Variants in CNTN4 observed in about 807,000 individuals in gnomAD.
The protein encoded by CNTN4 is contactin-4.
In CNTN4, 77 loss-of-function variants were observed where a neutral mutation model predicts 122.5. The observed-to-expected ratio is 0.63, with a 90% confidence interval of 0.52 to 0.76. The LOEUF is 0.76. CNTN4 is among the 30% of genes least tolerant of loss of function. The probability of loss-of-function intolerance (pLI) is 0.00; values close to 1 mark genes in which losing one functional copy is unlikely to be tolerated. For missense variants in CNTN4, 1,256 were observed against 1,259.1 expected (o/e 1.00, Z 0.04); for synonymous variants, 512 against 447.0 (o/e 1.15, Z -1.83).
At chr3:2,870,530 A>G (rs531547966) in intron 8 of CNTN4, among the ~76,000 whole-genome samples, 2 of 152,304 alleles carry the variant, frequency 1.3e-5, no homozygotes, top group East Asian at 1.9e-4. Flanking sequence ...GTTAAAATCT[A>G]TTCTGTGACA....
In CNTN4 at chr3:2,435,116, G is replaced by A. The variant is rs577384609; in HGVS notation, c.-89+95883G>A. Among the ~76,000 whole-genome samples, 11 of 152,214 alleles carry A rather than the reference G, an allele frequency of 7.2e-5. No individual in the cohort carries two copies. The East Asian group carries it at 2.1e-3, about 29-fold the overall frequency. ...AGCTTAATACTAAAGTGAATATCCT[G>A]AATTATTCCCATGATTGTGTGTATT... On this transcript the variant is annotated intron_variant, in intron 3 of 24. Transcript: ENST00000418658.
chr3:2,377,405 TTCC>T (rs1456101404), intron 3 of CNTN4, among the ~76,000 whole-genome samples: 4 of 152,188 alleles, frequency 2.6e-5, no homozygotes, highest in African/African-American at 9.6e-5. Context: ...TTTCTCTAGC[TTCC>T]TCACCCACAC....
intron 6 of CNTN4, among the ~76,000 whole-genome samples, chr3:2,781,504 A>G (rs1487061315): frequency 6.6e-6 from 1 of 151,924 alleles, no homozygotes; most frequent in Admixed American, 6.6e-5. Flanking sequence ...ACTTGAGGAG[A>G]TATATTCTGA....
In CNTN4 at chr3:2,328,400, C is replaced by T. The variant is rs922860137; in HGVS notation, c.-144-10778C>T. Among the ~76,000 whole-genome samples the T allele has an allele frequency of 7.9e-5, 12 of 151,734 alleles. 1 individual carries two copies. The highest frequency in any genetic ancestry group is 2.2e-4 in the African/African-American group (9 of 41,316). On this transcript the variant is annotated intron_variant, in intron 2 of 24. Transcript: ENST00000418658. ...CAGCCTGGGCGACAGAGCGAGACTC[C>T]GTCTCAAAAAATAAAAAAATAAAAA...
chr3:2,321,463 T>G (rs543033468), intron 2 of CNTN4, among the ~76,000 whole-genome samples: 19 of 152,262 alleles, frequency 1.2e-4, no homozygotes, highest in African/African-American at 3.4e-4. Context: ...CCCAAAATTG[T>G]GGAATTCTGT....
In CNTN4 at chr3:2,645,156, T is replaced by C. The variant is rs536282156; in HGVS notation, c.55+73598T>C. ...TTGCTCAGGCTTCAAGTCTAGTCTGTGTGAAAGCATTAAGTGTTTCAGAAA... is the reference window on the plus strand; with the variant it reads ...TTGCTCAGGCTTCAAGTCTAGTCTGCGTGAAAGCATTAAGTGTTTCAGAAA... On this transcript the variant is annotated intron_variant, in intron 4 of 24. Coordinates refer to ENST00000418658, the MANE Select transcript of CNTN4 (RefSeq NM_175607.3). 9.9e-5 allele frequency among the ~76,000 whole-genome samples: 15 copies of C among 152,210 alleles called. No homozygotes were observed. In the South Asian group the frequency reaches 2.9e-3, roughly 29 times the overall value.
chr3:2,141,218 A>G lies in CNTN4; in HGVS notation c.-145+40579A>G, dbSNP rs73013131. On this transcript the variant is annotated intron_variant, in intron 2 of 24. Transcript: ENST00000418658. Reference sequence around the variant, plus strand: ...CTAGAACCTCTGAATATGCTACCTCACATGGCAAAAGGGACTCTGCCAATA... The same window carrying G: ...CTAGAACCTCTGAATATGCTACCTCGCATGGCAAAAGGGACTCTGCCAATA... Among the ~76,000 whole-genome samples the G allele has an allele frequency of 5.2e-3, 794 of 152,318 alleles. 5 individuals are homozygous for G. Among genetic ancestry groups the G allele is most frequent in the Non-Finnish European group, 8.8e-3 (596 of 68,022 alleles).
At chr3:2,311,617 C>G (rs147596576) in intron 2 of CNTN4, among the ~76,000 whole-genome samples, 1 of 152,172 alleles carries the variant, frequency 6.6e-6, no homozygotes, top group East Asian at 1.9e-4. Context: ...CTTTTGGTCA[C>G]TCAGCAGGAA....
intron 6 of CNTN4, among the ~76,000 whole-genome samples, chr3:2,782,162 TTAATGGC>T (rs2091619489): frequency 6.6e-6 from 1 of 152,054 alleles, no homozygotes; most frequent in Admixed American, 6.6e-5. Context: ...TGTGTTGATG[TTAATGGC>T]GGAGAGGTAT....
At chr3:2,932,813 T>TTTA (rs2094533596) in intron 13 of CNTN4, among the ~76,000 whole-genome samples, 1 of 126,238 alleles carries the variant, frequency 7.9e-6, no homozygotes, top group South Asian at 2.6e-4. Context: ...TATTTATTTA[T>TTTA]TTATTTATTT....
At chr3:2,342,331 T>G (rs924869139) in intron 3 of CNTN4, among the ~76,000 whole-genome samples, 2 of 152,198 alleles carry the variant, frequency 1.3e-5, no homozygotes, top group African/African-American at 4.8e-5. Context: ...ATTCTTCTTT[T>G]TCTGGATTGG....
chr3:2,575,936 A>G (rs1001921036), intron 4 of CNTN4, among the ~76,000 whole-genome samples: 12 of 148,254 alleles, frequency 8.1e-5, no homozygotes, highest in Non-Finnish European at 5.9e-5. Flanking sequence ...ATTCTCCTGC[A>G]TCAGCCTCCC....
intron 4 of CNTN4, among the ~76,000 whole-genome samples, chr3:2,681,143 A>AGG (rs1431635891): frequency 6.6e-6 from 1 of 152,188 alleles, no homozygotes; most frequent in Non-Finnish European, 1.5e-5. Context: ...ACGGCCCGCC[A>AGG]CCCAAGGATT....
intron 6 of CNTN4, among the ~76,000 whole-genome samples, chr3:2,750,531 C>G (rs770049270): frequency 6.6e-6 from 1 of 152,162 alleles, no homozygotes; most frequent in Admixed American, 6.5e-5. Context: ...AGAAATCCTT[C>G]TTTGATTAAA....
At chr3:2,529,928 C>G (rs1433223109) in intron 3 of CNTN4, among the ~76,000 whole-genome samples, 3 of 152,106 alleles carry the variant, frequency 2.0e-5, no homozygotes, top group African/African-American at 7.2e-5. Context: ...TTTCTTGGCC[C>G]TAGTGCAGTA....
intron 3 of CNTN4, among the ~76,000 whole-genome samples, chr3:2,519,012 GTTA>G (rs915200172): frequency 6.6e-6 from 1 of 152,158 alleles, no homozygotes; most frequent in African/African-American, 2.4e-5. Flanking sequence ...AAAAATATGA[GTTA>G]TTTTAACAAG....
intron 13 of CNTN4, among the ~76,000 whole-genome samples, chr3:2,983,348 C>T (rs909605376): frequency 3.1e-4 from 46 of 149,952 alleles, no homozygotes; most frequent in African/African-American, 1.1e-3. Context: ...TTTGGTGTCA[C>T]CCATATGCTT....
At chr3:2,961,311 A>G (rs1337599090) in intron 13 of CNTN4, among the ~76,000 whole-genome samples, 3 of 150,434 alleles carry the variant, frequency 2.0e-5, no homozygotes, top group Admixed American at 1.3e-4. Context: ...CACCCCAGCC[A>G]ACACCTAGCT....
intron 3 of CNTN4, among the ~76,000 whole-genome samples, chr3:2,340,710 T>TATATATATAG: frequency 2.0e-3 from 36 of 18,302 alleles, no homozygotes; most frequent in African/African-American, 3.4e-3. Flanking sequence ...TATATATATA[T>TATATATATAG]AGAGAGAGAG....
Sources: allele counts gnomAD v4.1 joint callset (sites outside exome capture counted in the v4.1 genomes callset), GRCh38; gene constraint gnomAD v4.1.1; transcripts MANE v1.5; gene names NCBI Gene and HGNC (gene_info 2026-07-23, HGNC 2026-07-21).